The following CCDC30 variants were observed in gnomAD, a reference collection of about 807,000 sequenced individuals.
CCDC30 encodes the protein coiled-coil domain containing 30.
CCDC30 carries 70 observed loss-of-function variants against 100.2 expected under a neutral mutation model. That is an observed-to-expected ratio of 0.70 (90% CI 0.58 to 0.85). CCDC30 has a LOEUF of 0.85. Ranked by LOEUF, CCDC30 falls within the 40% of genes least tolerant of loss-of-function variation. CCDC30 has a pLI of 0.00. For synonymous variants in CCDC30, 233 were observed against 269.5 expected, an observed-to-expected ratio of 0.86 and a Z score of 1.33; for missense variants, 652 against 771.2, an observed-to-expected ratio of 0.85 and a Z score of 1.83.
chr1:42,476,825 G>A (rs898530820), intron 1 of CCDC30, among the ~76,000 whole-genome samples: 1 of 150,822 alleles, frequency 6.6e-6, no homozygotes, highest in Admixed American at 6.6e-5. Context: ...TATTCCATTC[G>A]GGATCATTTT....
chr1:42,461,542 C>A (rs1457101035), upstream of CCDC30, among the ~76,000 whole-genome samples: 1 of 151,038 alleles, frequency 6.6e-6, no homozygotes, highest in Non-Finnish European at 1.5e-5. Flanking sequence ...TACTATGTTA[C>A]CCAGGCTCTT....
chr1:42,576,671 G>A (rs1434756497), intron 7 of CCDC30, among the ~76,000 whole-genome samples: 2 of 152,222 alleles, frequency 1.3e-5, no homozygotes, highest in Non-Finnish European at 2.9e-5. Flanking sequence ...ATGCTACTGA[G>A]AAGTCACTTG....
At chr1:42,504,161 G>T (rs940985223) in intron 6 of CCDC30, among the ~76,000 whole-genome samples, 3 of 152,224 alleles carry the variant, frequency 2.0e-5, no homozygotes, top group Admixed American at 6.5e-5. Context: ...GGCACAGATC[G>T]CTCATGCTAT....
chr1:42,645,320 A>G (rs1180569619), intron 14 of CCDC30, among the ~76,000 whole-genome samples: 1 of 152,070 alleles, frequency 6.6e-6, no homozygotes, highest in Admixed American at 6.6e-5. Context: ...GAAGTTTGCT[A>G]TGGCAAAGAG....
chr1:42,607,517 G>A (rs896234961), intron 10 of CCDC30, among the ~76,000 whole-genome samples: 2 of 147,342 alleles, frequency 1.4e-5, no homozygotes, highest in Non-Finnish European at 3.0e-5. Context: ...CCAGGAGTTC[G>A]AGATCAGCCT....
intron 10 of CCDC30, among the ~76,000 whole-genome samples, chr1:42,608,580 G>C (rs1646552803): frequency 6.6e-6 from 1 of 151,744 alleles, no homozygotes; most frequent in Non-Finnish European, 1.5e-5. Context: ...GTGGGCGCCT[G>C]GGTAGTCCCA....
At chr1:42,554,296 G>A (rs1309429141) in intron 6 of CCDC30, among the ~76,000 whole-genome samples, 1 of 135,824 alleles carries the variant, frequency 7.4e-6, no homozygotes, top group South Asian at 2.2e-4. Flanking sequence ...TTTTTTTGTG[G>A]AGACAGAGTT....
chr1:42,638,847 G>C (rs562797383), intron 12 of CCDC30, among the ~76,000 whole-genome samples: 7 of 151,972 alleles, frequency 4.6e-5, no homozygotes, highest in Admixed American at 3.3e-4. Flanking sequence ...TTGCACTCTA[G>C]CCTGGGGGAC....
At chr1:42,556,285 A>G in intron 6 of CCDC30, 1 of 1,614,096 alleles carries the variant, frequency 6.2e-7, no homozygotes, top group Non-Finnish European at 8.5e-7. Flanking sequence ...AAGAAAAAGA[A>G]CAGCAGTTAA....
At chr1:42,469,034 A>T (rs76558569) in intron 1 of CCDC30, among the ~76,000 whole-genome samples, 1 of 151,876 alleles carries the variant, frequency 6.6e-6, no homozygotes, top group Admixed American at 6.6e-5. Context: ...AAAAAAAAAA[A>T]CTTTCAGGGA....
intron 4 of CCDC30, among the ~76,000 whole-genome samples, chr1:42,492,708 C>T (rs1644163628): frequency 6.6e-6 from 1 of 151,996 alleles, no homozygotes; most frequent in Non-Finnish European, 1.5e-5. Flanking sequence ...AGTGTAGTGG[C>T]ATGACCTCAG....
chr1:42,603,683 G>A (rs1418679040), intron 10 of CCDC30, among the ~76,000 whole-genome samples: 1 of 152,226 alleles, frequency 6.6e-6, no homozygotes, highest in African/African-American at 2.4e-5. Context: ...TGGTGGGAAT[G>A]CAGAATGGCG....
chr1:42,528,455 A>G (rs1487957132), intron 6 of CCDC30, among the ~76,000 whole-genome samples: 1 of 152,188 alleles, frequency 6.6e-6, no homozygotes, highest in Non-Finnish European at 1.5e-5. Flanking sequence ...TATGAAGTAT[A>G]AAGGTAAGGA....
At chr1:42,656,285 A>G (rs1463061318), downstream of CCDC30, among the ~76,000 whole-genome samples, 1 of 152,212 alleles carries the variant, frequency 6.6e-6, no homozygotes, top group Non-Finnish European at 1.5e-5. Context: ...ACTGAGTCAA[A>G]GGATATAAAT....
intron 6 of CCDC30, among the ~76,000 whole-genome samples, chr1:42,543,211 G>T (rs1645051209): frequency 6.7e-6 from 1 of 150,104 alleles, no homozygotes; most frequent in South Asian, 2.1e-4. Flanking sequence ...CTGACCTCAT[G>T]ATCTGCCCAC....
In CCDC30 at chr1:42,611,052, A is replaced by ATATT. The variant is rs770861433; in HGVS notation, c.1241_1244dup (p.Arg416PhefsTer8). 6.2e-7 allele frequency: 1 copy of ATATT among 1,611,918 alleles called. No homozygotes were observed. The highest frequency in any genetic ancestry group is 1.1e-5 in the South Asian group (1 of 91,016). ...AAGAGAAGGAAGCTCTACGTGAAGAATATTTGCGATTATTGAAGCTGCTTA... is the reference window on the plus strand; with the variant it reads ...AAGAGAAGGAAGCTCTACGTGAAGAATATTTATTTGCGATTATTGAAGCTGCTTA... On this transcript the variant is annotated frameshift_variant, in exon 11 of 17. Coordinates refer to ENST00000668663, the Ensembl canonical transcript of CCDC30. LOFTEE classifies it high-confidence loss of function.
At chr1:42,479,725 C>T (rs904087862) in intron 1 of CCDC30, among the ~76,000 whole-genome samples, 3 of 152,012 alleles carry the variant, frequency 2.0e-5, no homozygotes, top group Non-Finnish European at 2.9e-5. Flanking sequence ...ACACTCAGCC[C>T]ATGGGAAGAG....
At chr1:42,629,638 CTT>C (rs531848847) in intron 11 of CCDC30, among the ~76,000 whole-genome samples, 1 of 146,796 alleles carries the variant, frequency 6.8e-6, no homozygotes, top group Non-Finnish European at 1.5e-5. Context: ...TTTTTCTTTT[CTT>C]TTTTTTTTTG....
At chr1:42,459,714 C>T (rs1643354783), upstream of CCDC30, 6 of 1,614,020 alleles carry the variant, frequency 3.7e-6, no homozygotes, top group African/African-American at 2.7e-5. Flanking sequence ...TGTAATTAAT[C>T]GAGCTCGGAA....
Sources: allele counts gnomAD v4.1 joint callset (sites outside exome capture counted in the v4.1 genomes callset), GRCh38; gene constraint gnomAD v4.1.1; transcripts MANE v1.5; gene names NCBI Gene and HGNC (gene_info 2026-07-23, HGNC 2026-07-21).